RAP1A: variants seen among roughly 807,000 people sequenced by gnomAD.
The protein encoded by RAP1A is RAP1A, member of RAS oncogene family.
A neutral mutation model predicts 26.4 loss-of-function variants in RAP1A; 6 were observed. The ratio of observed to expected loss-of-function variants is 0.23; its 90% confidence interval spans 0.12 to 0.45. RAP1A has a LOEUF of 0.45. Among genes scored for constraint, RAP1A ranks in the 20% least tolerant of loss-of-function variants. The probability of loss-of-function intolerance (pLI) is 0.99; values close to 1 mark genes in which losing one functional copy is unlikely to be tolerated. For missense variants in RAP1A, 121 were observed against 217.2 expected (o/e 0.56, Z 2.78); for synonymous variants, 73 against 79.4 (o/e 0.92, Z 0.43).
rs375433676 is a variant in RAP1A, at chr1:111,609,422, C to CT, written c.-28+66921dup. 1.4e-3 allele frequency among the ~76,000 whole-genome samples: 217 copies of CT among 152,120 alleles called. 1 individual carries two copies. Among genetic ancestry groups the CT allele is most frequent in the African/African-American group, 4.9e-3 (204 of 41,482 alleles). Reference sequence around the variant, plus strand: ...TCTCTGTTTTAGAACTTGACCCTTACTTTTTTTTACTTAAATGTTAGTCAT... The same window carrying CT: ...TCTCTGTTTTAGAACTTGACCCTTACTTTTTTTTTACTTAAATGTTAGTCAT... On this transcript the variant is annotated intron_variant, in intron 1 of 7. Coordinates refer to the RAP1A transcript ENST00000356415.
At chr1:111,583,034 G>A (rs940230973) in intron 1 of RAP1A, among the ~76,000 whole-genome samples, 31 of 152,128 alleles carry the variant, frequency 2.0e-4, no homozygotes, top group African/African-American at 6.5e-4. Context: ...AATTTAATTG[G>A]AAAGTGGGAA....
At chr1:111,658,632 A>C (rs552609474) in intron 1 of RAP1A, among the ~76,000 whole-genome samples, 1 of 152,350 alleles carries the variant, frequency 6.6e-6, no homozygotes, top group South Asian at 2.1e-4. Context: ...GTCACTAGGC[A>C]ATAGGAATTT....
intron 6 of RAP1A, among the ~76,000 whole-genome samples, chr1:111,705,923 C>T (rs554443988): frequency 2.0e-5 from 3 of 152,240 alleles, no homozygotes; most frequent in Non-Finnish European, 2.9e-5. Flanking sequence ...CTCCAGGCTC[C>T]GGTGGGGCTG....
chr1:111,659,755 T>C lies in RAP1A; in HGVS notation c.-27-31579T>C, dbSNP rs1469334337. 3.4e-4 allele frequency among the ~76,000 whole-genome samples: 51 copies of C among 152,188 alleles called. 2 individuals carry two copies. The highest frequency in any genetic ancestry group is 3.3e-3 in the Admixed American group (51 of 15,274). Reference sequence around the variant, plus strand: ...TACTTCATTTTTTCTCCTCACTTACTGTATTATACTTGTTTTTACTTTTTT... The same window carrying C: ...TACTTCATTTTTTCTCCTCACTTACCGTATTATACTTGTTTTTACTTTTTT... On this transcript the variant is annotated intron_variant, in intron 1 of 7. Coordinates refer to ENST00000369709, the MANE Select transcript of RAP1A (RefSeq NM_002884.4).
intron 1 of RAP1A, among the ~76,000 whole-genome samples, chr1:111,646,201 C>T (rs113205089): frequency 2.0e-5 from 3 of 152,180 alleles, no homozygotes; most frequent in Non-Finnish European, 4.4e-5. Context: ...TGATAGAACC[C>T]TTAGTAAATG....
intron 1 of RAP1A, among the ~76,000 whole-genome samples, chr1:111,607,970 C>A (rs1225194298): frequency 1.4e-5 from 1 of 72,406 alleles, no homozygotes; most frequent in Non-Finnish European, 2.7e-5. Context: ...ACCTCCCGGA[C>A]GGGGCAGCTG....
intron 1 of RAP1A, among the ~76,000 whole-genome samples, chr1:111,667,536 G>T (rs1660831132): frequency 6.6e-6 from 1 of 151,964 alleles, no homozygotes; most frequent in Non-Finnish European, 1.5e-5. Flanking sequence ...ATACAAATTA[G>T]CTGGGCGTGG....
intron 1 of RAP1A, among the ~76,000 whole-genome samples, chr1:111,626,549 G>A (rs1441261522): frequency 6.6e-6 from 1 of 152,132 alleles, no homozygotes; most frequent in Non-Finnish European, 1.5e-5. Flanking sequence ...TGCCACTAAA[G>A]TCAAGTATCT....
chr1:111,598,888 C>T (rs1002410388), intron 1 of RAP1A, among the ~76,000 whole-genome samples: 2 of 152,124 alleles, frequency 1.3e-5, no homozygotes, highest in East Asian at 1.9e-4. Flanking sequence ...TCAGAACTTC[C>T]GACCAACTGA....
intron 1 of RAP1A, among the ~76,000 whole-genome samples, chr1:111,554,480 C>G (rs892615974): frequency 2.0e-5 from 3 of 152,206 alleles, no homozygotes; most frequent in African/African-American, 7.2e-5. Context: ...CACAGTAATC[C>G]AGAGCATTTG....
intron 1 of RAP1A, among the ~76,000 whole-genome samples, chr1:111,564,899 A>G (rs950141661): frequency 1.3e-5 from 2 of 152,180 alleles, no homozygotes; most frequent in Non-Finnish European, 1.5e-5. Flanking sequence ...GCTTGCTATC[A>G]TGAAACTTGC....
intron 4 of RAP1A, among the ~76,000 whole-genome samples, chr1:111,702,920 A>G (rs1241506764): frequency 2.6e-5 from 4 of 152,200 alleles, no homozygotes; most frequent in African/African-American, 9.7e-5. Flanking sequence ...TTGCTATGCC[A>G]TGGGAATAGA....
upstream of RAP1A, among the ~76,000 whole-genome samples, chr1:111,616,035 G>T (rs1441694420): frequency 6.6e-6 from 1 of 152,146 alleles, no homozygotes; most frequent in East Asian, 1.9e-4. Context: ...GGAGGCTTCG[G>T]TTTGGCAGCT....
intron 1 of RAP1A, chr1:111,648,699 G>A (rs923735727): frequency 6.0e-5 from 34 of 562,874 alleles, no homozygotes; most frequent in South Asian, 1.4e-4. Context: ...CTCTGTGAGC[G>A]TCATCTTAGC....
intron 1 of RAP1A, among the ~76,000 whole-genome samples, chr1:111,603,760 T>C (rs1322489152): frequency 6.6e-6 from 1 of 152,182 alleles, no homozygotes; most frequent in Non-Finnish European, 1.5e-5. Flanking sequence ...CCATGCCTAC[T>C]AAGGGGGTAC....
At chr1:111,585,060 G>A (rs1658336340) in intron 1 of RAP1A, among the ~76,000 whole-genome samples, 1 of 152,342 alleles carries the variant, frequency 6.6e-6, no homozygotes, top group African/African-American at 2.4e-5. Flanking sequence ...AAAGAATGGT[G>A]TAGAAAGAGA....
intron 1 of RAP1A, among the ~76,000 whole-genome samples, chr1:111,670,529 A>G (rs1557885795): frequency 6.6e-6 from 1 of 152,236 alleles, no homozygotes; most frequent in East Asian, 1.9e-4. Context: ...CAGGTATCCA[A>G]CTTAGGTTAG....
At chr1:111,650,592 C>T (rs903719712) in intron 1 of RAP1A, 1 of 152,094 alleles carries the variant, frequency 6.6e-6, no homozygotes. Flanking sequence ...GCAGATTTCT[C>T]GTATATCTTC....
intron 1 of RAP1A, among the ~76,000 whole-genome samples, chr1:111,556,953 A>G (rs1449683342): frequency 6.6e-6 from 1 of 152,058 alleles, no homozygotes; most frequent in African/African-American, 2.4e-5. Flanking sequence ...AAACTTGGGG[A>G]AAAATAATGG....
Sources: allele counts gnomAD v4.1 joint callset (sites outside exome capture counted in the v4.1 genomes callset), GRCh38; gene constraint gnomAD v4.1.1; transcripts MANE v1.5; gene names NCBI Gene and HGNC (gene_info 2026-07-23, HGNC 2026-07-21).